CCDC179: variants seen among roughly 807,000 people sequenced by gnomAD.
CCDC179 encodes the protein coiled-coil domain containing 179, also known as coiled-coil domain-containing protein 179.
Under a neutral mutation model 12.0 loss-of-function variants are expected in CCDC179, and 17 were observed. The ratio of observed to expected loss-of-function variants is 1.42; its 90% CI spans 0.97 to 2.13. CCDC179 has a LOEUF of 2.13. Among genes scored for constraint, CCDC179 ranks in the 30% most tolerant of loss-of-function variants. The pLI is 0.00. For synonymous variants in CCDC179, 27 were observed against 26.4 expected, an observed-to-expected ratio of 1.02 and a Z score of -0.07; for missense variants, 83 against 78.6, an observed-to-expected ratio of 1.06 and a Z score of -0.21.
intron 1 of CCDC179, among the ~76,000 whole-genome samples, chr11:22,859,752 A>C (rs1373113382): frequency 6.6e-6 from 1 of 152,216 alleles, no homozygotes; most frequent in Non-Finnish European, 1.5e-5. Flanking sequence ...CCTTACAGAT[A>C]AAAGGCAGAG....
intron 3 of CCDC179, among the ~76,000 whole-genome samples, chr11:22,849,729 T>C (rs1286664427): frequency 6.6e-6 from 1 of 152,150 alleles, no homozygotes; most frequent in South Asian, 2.1e-4. Flanking sequence ...TGCAACCTCA[T>C]GGCTTAGCTC....
chr11:22,858,605 A>G (rs1858586400), intron 2 of CCDC179, among the ~76,000 whole-genome samples: 1 of 152,064 alleles, frequency 6.6e-6, no homozygotes, highest in Non-Finnish European at 1.5e-5. Context: ...CAACTTTTTA[A>G]AAAATCCACT....
Position 22,860,386 on chromosome 11 carries a change from T to C in CCDC179, c.36A>G (p.Gln12=), listed in dbSNP as rs749376385. 3 of 1,535,434 alleles carry C rather than the reference T, an allele frequency of 2.0e-6. No individual in the cohort carries two copies. Among genetic ancestry groups the C allele is most frequent in the East Asian group, 2.4e-5 (1 of 40,834 alleles). The change falls in exon 1 of 4, where the codon CAA becomes CAG. Residue 12 remains glutamine (Q), a synonymous_variant. Coordinates refer to ENST00000532798, the MANE Select transcript of CCDC179 (RefSeq NM_001195637.2). ...GCCCCAGCAGACTCACAGGGTTGAC[T>C]TGGGAAGGCTCGATGTCCCAGCAAT... is the stretch of plus-strand genomic sequence containing the variant. ...CLYCWDIEPS[Q]VNPEGPRQHH...
Position 22,847,383 on chromosome 11 carries a change from A to T in CCDC179, c.*127T>A. 1 of 528,122 alleles carries T rather than the reference A, an allele frequency of 1.9e-6. No homozygotes were observed. Among genetic ancestry groups the T allele is most frequent in the South Asian group, 4.2e-5 (1 of 23,910 alleles). 32.7% of individuals were successfully genotyped at this position (528,122 alleles called of 1,614,324 possible). A position where few individuals can be genotyped will look rare whatever the true frequency, so the allele number is the denominator to read the frequency against. ...GATATTAAATACTTGCACTGTGTTT[A>T]TTTTTCCGAAATGGTGGAGTATTGC... On this transcript the variant is annotated 3_prime_UTR_variant, in exon 4 of 4. Coordinates refer to ENST00000532798, the MANE Select transcript of CCDC179 (RefSeq NM_001195637.2).
At chr11:22,852,502 C>T (rs867001349) in intron 3 of CCDC179, among the ~76,000 whole-genome samples, 2 of 152,160 alleles carry the variant, frequency 1.3e-5, no homozygotes, top group African/African-American at 4.8e-5. Context: ...TAGGATTGAC[C>T]TTTTCACATA....
chr11:22,857,891 C>T, intron 3 of CCDC179, 31 bp downstream of exon 3: 2 of 1,075,732 alleles, frequency 1.9e-6, no homozygotes, highest in Non-Finnish European at 2.6e-6. Flanking sequence ...ATTTAATGAT[C>T]TGTTAATTTC....
At position 22,849,559 on chromosome 11, in the gene CCDC179, T is replaced by TG. The variant is rs200182888; in HGVS notation, c.196-2039dup. On this transcript the variant is annotated intron_variant, in intron 3 of 3. Coordinates refer to ENST00000532798, the MANE Select transcript of CCDC179 (RefSeq NM_001195637.2). ...TTGTTTTTGGGGGAACAGGTGGTTT[T>TG]GGTTATATTCATAAGTTTTTTAGTG... Among the ~76,000 whole-genome samples, 153 of 152,266 alleles carry TG rather than the reference T, an allele frequency of 1.0e-3. 1 individual carries two copies. The highest frequency in any genetic ancestry group is 3.3e-3 in the African/African-American group (136 of 41,550).
Position 22,847,246 on chromosome 11 carries a change from A to G in CCDC179, c.*264T>C, listed in dbSNP as rs1263494649. On this transcript the variant is annotated 3_prime_UTR_variant, in exon 4 of 4. Coordinates refer to ENST00000532798, the MANE Select transcript of CCDC179 (RefSeq NM_001195637.2). ...AATAATATTTTTCAAAAGTCTACCT[A>G]TACATATTCATTATTATTTGTTGAA... The G allele has an allele frequency of 9.8e-6, 3 of 306,174 alleles. No homozygotes were observed. Among genetic ancestry groups the G allele is most frequent in the Non-Finnish European group, 1.2e-5 (2 of 169,778 alleles). 19.0% of individuals were successfully genotyped at this position (306,174 alleles called of 1,614,324 possible).
At chr11:22,856,926 T>A (rs1317475817) in intron 3 of CCDC179, among the ~76,000 whole-genome samples, 1 of 151,640 alleles carries the variant, frequency 6.6e-6, no homozygotes, top group African/African-American at 2.4e-5. Context: ...CTCCCATTTA[T>A]ATTAGCAACA....
chr11:22,855,015 C>T (rs1391162528), intron 3 of CCDC179, among the ~76,000 whole-genome samples: 2 of 151,538 alleles, frequency 1.3e-5, no homozygotes, highest in Non-Finnish European at 3.0e-5. Flanking sequence ...CATAGTAATC[C>T]TTAATGTGTT....
intron 3 of CCDC179, among the ~76,000 whole-genome samples, chr11:22,856,784 A>C (rs1405005530): frequency 6.6e-6 from 1 of 151,618 alleles, no homozygotes; most frequent in East Asian, 1.9e-4. Context: ...ATAACAATAA[A>C]AAACAAACAA....
chr11:22,858,168 G>A, intron 2 of CCDC179, 142 bp from the exon 3 acceptor site: 2 of 512,512 alleles, frequency 3.9e-6, no homozygotes, highest in South Asian at 3.0e-5. Flanking sequence ...ATAGAAATAG[G>A]GCGAAAAATC....
intron 3 of CCDC179, among the ~76,000 whole-genome samples, chr11:22,850,222 C>A (rs1467660291): frequency 6.6e-6 from 1 of 152,024 alleles, no homozygotes; most frequent in African/African-American, 2.4e-5. Context: ...TATAGGCTGC[C>A]CTTTGTTAGG....
At position 22,859,633 on chromosome 11, in the gene CCDC179, TA is replaced by T. The variant is rs371944172; in HGVS notation, c.46-138del. The T allele has an allele frequency of 3.2e-5, 15 of 462,746 alleles. No individual in the cohort carries two copies. In the East Asian group the frequency reaches 4.7e-4, roughly 15 times the overall value. The allele number at this position is 462,746 out of a possible 1,614,324, so 28.7% of individuals were successfully genotyped here. On this transcript the variant is annotated intron_variant, in intron 1 of 3. Transcript: ENST00000532798. Reference sequence around the variant, plus strand: ...ATCATTTCAACTATAAGAAGCAGGTTAAAAAAACAAAAAGAAAAAAGTCAAG... The same window carrying T: ...ATCATTTCAACTATAAGAAGCAGGTTAAAAAACAAAAAGAAAAAAGTCAAG...
At chr11:22,847,570 A>T in intron 3 of CCDC179, 49 bp from the exon 4 acceptor site, 4 of 1,046,186 alleles carry the variant, frequency 3.8e-6, no homozygotes, top group Non-Finnish European at 5.3e-6. Context: ...ATTAAAATTT[A>T]TATAAGGAAA....
Position 22,847,398 on chromosome 11 carries a change from TG to T in CCDC179, c.*111del. 1.7e-6 allele frequency: 1 copy of T among 582,682 alleles called. No homozygotes were observed. The highest frequency in any genetic ancestry group is 3.7e-5 in the South Asian group (1 of 27,196). 36.1% of individuals were successfully genotyped at this position (582,682 alleles called of 1,614,324 possible). Reference sequence around the variant, plus strand: ...CACTGTGTTTATTTTTCCGAAATGGTGGAGTATTGCATTTATTTTGTGGATG... The same window carrying T: ...CACTGTGTTTATTTTTCCGAAATGGTGAGTATTGCATTTATTTTGTGGATG... On this transcript the variant is annotated 3_prime_UTR_variant, in exon 4 of 4. Coordinates refer to ENST00000532798, the MANE Select transcript of CCDC179 (RefSeq NM_001195637.2).
At chr11:22,852,949 AAC>A (rs1166645987) in intron 3 of CCDC179, among the ~76,000 whole-genome samples, 4 of 152,190 alleles carry the variant, frequency 2.6e-5, no homozygotes, top group Non-Finnish European at 4.4e-5. Context: ...ACAACTTACC[AAC>A]ACATCAATTA....
In CCDC179 at chr11:22,850,940, C is replaced by A. The variant is rs868542298; in HGVS notation, c.196-3419G>T. 7.3e-4 allele frequency among the ~76,000 whole-genome samples: 12 copies of A among 16,530 alleles called. 1 individual carries two copies. The highest frequency in any genetic ancestry group is 0.012 in the South Asian group (2 of 170). The allele number at this position is 16,530 out of a possible 152,430, so 10.8% of individuals were successfully genotyped here. ...AAGGGGAAAATATATGTTGCATAGG[C>A]TATATATATATATATATATATATAT... On this transcript the variant is annotated intron_variant, in intron 3 of 3. Transcript: ENST00000532798.
intron 3 of CCDC179, among the ~76,000 whole-genome samples, chr11:22,850,975 T>C (rs1564915182): frequency 6.4e-4 from 10 of 15,658 alleles, no homozygotes; most frequent in Non-Finnish European, 1.1e-3. Flanking sequence ...TATATATATA[T>C]ATTTTTTTTT....
Sources: gnomAD v4.1 joint callset for allele counts (sites outside exome capture counted in the v4.1 genomes callset) on GRCh38, gnomAD v4.1.1 for gene constraint, MANE v1.5 for transcripts, NCBI Gene and HGNC (gene_info 2026-07-23, HGNC 2026-07-21) for gene names.